KHDRBS2: variants seen among roughly 807,000 people sequenced by gnomAD.
KHDRBS2 encodes KH domain-containing, RNA-binding, signal transduction-associated protein 2.
KHDRBS2 carries 26 observed loss-of-function variants against 44.3 expected under a neutral mutation model. The observed-to-expected ratio is 0.59, with a 90% CI of 0.43 to 0.81. The LOEUF is 0.81. Among genes scored for constraint, KHDRBS2 ranks in the 40% least tolerant of loss-of-function variants. The pLI is 0.00. For synonymous variants in KHDRBS2, 194 were observed against 151.1 expected (o/e 1.28, Z -2.08); for missense variants, 476 against 433.1 (o/e 1.10, Z -0.88).
intron 6 of KHDRBS2, among the ~76,000 whole-genome samples, chr6:61,763,092 T>C (rs1779510398): frequency 6.6e-6 from 1 of 152,122 alleles, no homozygotes; most frequent in African/African-American, 2.4e-5. Flanking sequence ...CTCCTTCCAA[T>C]TGCCCAATTC....
chr6:61,737,269 C>T (rs1467197860), intron 6 of KHDRBS2, among the ~76,000 whole-genome samples: 1 of 152,040 alleles, frequency 6.6e-6, no homozygotes, highest in East Asian at 1.9e-4. Context: ...ATCTGTCCTG[C>T]TAACCTAAAC....
At chr6:62,057,850 AT>A (rs1373483852) in intron 2 of KHDRBS2, among the ~76,000 whole-genome samples, 1 of 151,954 alleles carries the variant, frequency 6.6e-6, no homozygotes, top group Non-Finnish European at 1.5e-5. Context: ...ATTAACCAAA[AT>A]AATATATTTC....
chr6:62,159,393 T>C (rs567366549), intron 2 of KHDRBS2, among the ~76,000 whole-genome samples: 120 of 152,302 alleles, frequency 7.9e-4, no homozygotes, highest in Admixed American at 1.9e-3. Context: ...AACAGCAATA[T>C]TGAGCCTCTT....
the KHDRBS2 span, among the ~76,000 whole-genome samples, chr6:61,584,522 C>T: frequency 6.6e-6 from 1 of 151,770 alleles, no homozygotes; most frequent in Non-Finnish European, 1.5e-5. Context: ...ACTAATCTTG[C>T]ATTTGTAGAA....
chr6:62,012,683 T>C (rs1461154432), intron 3 of KHDRBS2, among the ~76,000 whole-genome samples: 2 of 152,122 alleles, frequency 1.3e-5, no homozygotes, highest in African/African-American at 4.8e-5. Flanking sequence ...CTTCTGACCC[T>C]CACATGGCTG....
chr6:62,033,849 T>A (rs186201004), intron 3 of KHDRBS2, among the ~76,000 whole-genome samples: 1 of 151,578 alleles, frequency 6.6e-6, no homozygotes, highest in East Asian at 1.9e-4. Context: ...AATAAGAAGT[T>A]GGTTTTTTGA....
chr6:61,631,705 A>T, the KHDRBS2 span, among the ~76,000 whole-genome samples: 1 of 152,122 alleles, frequency 6.6e-6, no homozygotes, highest in African/African-American at 2.4e-5. Flanking sequence ...TGGAAAGGGG[A>T]TTGGAAATGG....
intron 6 of KHDRBS2, among the ~76,000 whole-genome samples, chr6:61,848,472 T>TATAC (rs1554236446): frequency 4.2e-5 from 2 of 47,632 alleles, no homozygotes; most frequent in Non-Finnish European, 7.2e-5. Flanking sequence ...GGAGGTTTTA[T>TATAC]ATATATATAT....
chr6:62,104,365 A>C (rs1310379747), intron 2 of KHDRBS2, among the ~76,000 whole-genome samples: 23 of 152,288 alleles, frequency 1.5e-4, no homozygotes, highest in Admixed American at 1.5e-3. Context: ...ATATGTATAC[A>C]TGTGCCATGC....
chr6:61,724,939 C>A (rs1382837956), intron 7 of KHDRBS2, among the ~76,000 whole-genome samples: 1 of 152,144 alleles, frequency 6.6e-6, no homozygotes, highest in Non-Finnish European at 1.5e-5. Flanking sequence ...AGGACCTGAA[C>A]TCAGCTCTGT....
intron 1 of KHDRBS2, among the ~76,000 whole-genome samples, chr6:62,237,817 G>T (rs1833941510): frequency 6.6e-6 from 1 of 152,154 alleles, no homozygotes; most frequent in East Asian, 1.9e-4. Context: ...GAGGTGGGCA[G>T]ATCACGAGGT....
chr6:61,637,288 T>C, the KHDRBS2 span, among the ~76,000 whole-genome samples: 2 of 151,892 alleles, frequency 1.3e-5, no homozygotes, highest in African/African-American at 2.4e-5. Context: ...GCGGTGTTTG[T>C]TTTTTTGTTC....
At chr6:62,037,726 G>A (rs1785596973) in intron 3 of KHDRBS2, among the ~76,000 whole-genome samples, 1 of 151,780 alleles carries the variant, frequency 6.6e-6, no homozygotes, top group Non-Finnish European at 1.5e-5. Context: ...AATTGTAGAT[G>A]CTAGCAATTA....
At chr6:61,731,231 A>G (rs1774385609) in intron 7 of KHDRBS2, among the ~76,000 whole-genome samples, 1 of 152,058 alleles carries the variant, frequency 6.6e-6, no homozygotes, top group African/African-American at 2.4e-5. Context: ...TCGGTTCAAT[A>G]TCTGTAATGT....
the KHDRBS2 span, among the ~76,000 whole-genome samples, chr6:61,617,178 T>C: frequency 6.6e-6 from 1 of 152,214 alleles, no homozygotes; most frequent in African/African-American, 2.4e-5. Context: ...ATTGTTGGTT[T>C]TTACCTTAAA....
At chr6:61,778,922 T>C (rs1782509442) in intron 6 of KHDRBS2, among the ~76,000 whole-genome samples, 1 of 152,184 alleles carries the variant, frequency 6.6e-6, no homozygotes, top group African/African-American at 2.4e-5. Context: ...TCACTGACAA[T>C]TTACTACTCA....
intron 6 of KHDRBS2, among the ~76,000 whole-genome samples, chr6:61,773,430 T>C (rs1291085446): frequency 6.6e-6 from 1 of 152,186 alleles, no homozygotes; most frequent in Non-Finnish European, 1.5e-5. Context: ...TTTGGCTGCA[T>C]AAATGTCTTC....
chr6:61,837,137 C>T (rs1792817835), intron 6 of KHDRBS2, among the ~76,000 whole-genome samples: 1 of 151,908 alleles, frequency 6.6e-6, no homozygotes, highest in African/African-American at 2.4e-5. Context: ...GGCTGATACT[C>T]TTGTAACTTC....
intron 2 of KHDRBS2, among the ~76,000 whole-genome samples, chr6:62,152,374 G>A (rs1351947070): frequency 1.3e-5 from 2 of 152,052 alleles, no homozygotes; most frequent in Admixed American, 6.6e-5. Context: ...TTTGTGTAAG[G>A]CTTGAGATAA....
Sources: gnomAD v4.1 joint callset for allele counts (sites outside exome capture counted in the v4.1 genomes callset) on GRCh38, gnomAD v4.1.1 for gene constraint, MANE v1.5 for transcripts, NCBI Gene and HGNC (gene_info 2026-07-23, HGNC 2026-07-21) for gene names.